The following FERRY3 variants were observed in gnomAD, a reference collection of about 807,000 sequenced individuals.
FERRY3 encodes the protein protein C12orf4.
chr12:4,501,457 A>G, the FERRY3 span, among the ~76,000 whole-genome samples: 5,530 of 152,228 alleles, frequency 0.036, 332 homozygotes, highest in African/African-American at 0.12. Flanking sequence ...GCCAGCAAGC[A>G]AGTGAAGCTT....
chr12:4,491,405 C>A, the FERRY3 span, among the ~76,000 whole-genome samples: 1 of 152,104 alleles, frequency 6.6e-6, no homozygotes. Flanking sequence ...CTTCTTCCAG[C>A]TGTTAGACTA....
the FERRY3 span, among the ~76,000 whole-genome samples, chr12:4,526,710 C>T: frequency 2.6e-5 from 4 of 151,870 alleles, no homozygotes; most frequent in East Asian, 1.9e-4. Context: ...GGCATGGTAG[C>T]GGGCGCCTGT....
the FERRY3 span, among the ~76,000 whole-genome samples, chr12:4,493,814 C>T: frequency 1.3e-5 from 2 of 152,032 alleles, no homozygotes; most frequent in African/African-American, 2.4e-5. Flanking sequence ...TACAGCTGGC[C>T]GGGAGTGGTG....
chr12:4,504,520 G>A, the FERRY3 span, among the ~76,000 whole-genome samples: 29 of 152,120 alleles, frequency 1.9e-4, no homozygotes, highest in South Asian at 6.0e-3. Flanking sequence ...AAAAACGTAA[G>A]AGGAAATGAA....
At chr12:4,505,926 T>G in the FERRY3 span, among the ~76,000 whole-genome samples, 2 of 152,188 alleles carry the variant, frequency 1.3e-5, no homozygotes, top group African/African-American at 2.4e-5. Context: ...TTCCTAAAAT[T>G]TATTTCTTAC....
the FERRY3 span, chr12:4,529,873 C>T: frequency 2.5e-6 from 4 of 1,574,568 alleles, no homozygotes; most frequent in Admixed American, 3.9e-5. Context: ...AAATACCTCT[C>T]TCGTAATTTT....
the FERRY3 span, among the ~76,000 whole-genome samples, chr12:4,499,250 C>A: frequency 6.6e-6 from 1 of 152,138 alleles, no homozygotes. Flanking sequence ...TGGGCTAAAA[C>A]AATCTTCCTG....
chr12:4,489,128 A>G, the FERRY3 span: 1 of 152,664 alleles, frequency 6.6e-6, no homozygotes, highest in Non-Finnish European at 1.5e-5. Flanking sequence ...AAGCTTGCAA[A>G]AAAGAACACT....
At chr12:4,490,549 A>G in the FERRY3 span, 5 of 1,610,184 alleles carry the variant, frequency 3.1e-6, no homozygotes, top group South Asian at 1.1e-5. Flanking sequence ...GCACTGTCCT[A>G]GAAATTCCTC....
At chr12:4,506,078 ATATACAT>A in the FERRY3 span, among the ~76,000 whole-genome samples, 23 of 152,138 alleles carry the variant, frequency 1.5e-4, no homozygotes, top group Admixed American at 4.6e-4. Context: ...TTATGATTGA[ATATACAT>A]TATAAAGACT....
At chr12:4,488,770 T>C in the FERRY3 span, 9 of 152,220 alleles carry the variant, frequency 5.9e-5, no homozygotes, top group Non-Finnish European at 1.2e-4. The surrounding 1 kb of genome is among the most constrained non-coding windows in gnomAD (Gnocchi z 4.9). Flanking sequence ...TAACTTGGAA[T>C]TGATGAAACT....
At chr12:4,505,107 A>C in the FERRY3 span, among the ~76,000 whole-genome samples, 22 of 152,328 alleles carry the variant, frequency 1.4e-4, no homozygotes, top group Middle Eastern at 6.8e-3. Flanking sequence ...TTCGTCTCAA[A>C]ACAAACCAAC....
chr12:4,500,450 G>C, the FERRY3 span: 5 of 894,538 alleles, frequency 5.6e-6, no homozygotes, highest in Non-Finnish European at 8.7e-6. Context: ...ACTAGTAGGG[G>C]TGTATCCCAA....
At chr12:4,489,640 T>C in the FERRY3 span, 1 of 479,514 alleles carries the variant, frequency 2.1e-6, no homozygotes, top group Non-Finnish European at 3.7e-6. Flanking sequence ...CACCAGTTTG[T>C]GCAGTATATA....
chr12:4,492,110 C>G, the FERRY3 span, among the ~76,000 whole-genome samples: 1 of 151,984 alleles, frequency 6.6e-6, no homozygotes, highest in Non-Finnish European at 1.5e-5. Flanking sequence ...TAGATTATAT[C>G]TCTTGATATT....
At chr12:4,510,616 C>T in the FERRY3 span, among the ~76,000 whole-genome samples, 7 of 151,476 alleles carry the variant, frequency 4.6e-5, no homozygotes, top group African/African-American at 1.7e-4. Flanking sequence ...AAAGAATCTT[C>T]AACCCAGAAT....
the FERRY3 span, among the ~76,000 whole-genome samples, chr12:4,519,338 T>C: frequency 2.0e-5 from 3 of 152,248 alleles, no homozygotes; most frequent in Non-Finnish European, 2.9e-5. The surrounding 1 kb of genome is among the most constrained non-coding windows in gnomAD (Gnocchi z 4.3). Context: ...TTCATTTTGA[T>C]GTATACACAC....
At chr12:4,518,305 T>C in the FERRY3 span, 1 of 1,528,462 alleles carries the variant, frequency 6.5e-7, no homozygotes, top group Non-Finnish European at 9.0e-7. Context: ...CTACAGAAAG[T>C]CCAGTATAAC....
the FERRY3 span, among the ~76,000 whole-genome samples, chr12:4,517,683 A>C: frequency 7.1e-6 from 1 of 141,338 alleles, no homozygotes; most frequent in African/African-American, 2.7e-5. Flanking sequence ...TAGGTTATTA[A>C]AATATATATA....
Sources: allele counts gnomAD v4.1 joint callset (sites outside exome capture counted in the v4.1 genomes callset), GRCh38; gene constraint gnomAD v4.1.1; non-coding constraint Gnocchi (gnomAD v3.1); transcripts MANE v1.5; gene names NCBI Gene and HGNC (gene_info 2026-07-23, HGNC 2026-07-21).